The following TSHZ2 variants were observed in gnomAD, a reference collection of about 807,000 sequenced individuals.
TSHZ2 encodes teashirt zinc finger homeobox 2, also known as teashirt homolog 2.
In TSHZ2, 21 loss-of-function variants were observed where a neutral mutation model predicts 74.4. The ratio of observed to expected loss-of-function variants is 0.28; its 90% CI spans 0.20 to 0.41. TSHZ2 has a LOEUF of 0.41. TSHZ2 is among the 10% of genes least tolerant of loss of function. TSHZ2 has a pLI of 1.00. For synonymous variants in TSHZ2, 540 were observed against 515.3 expected (o/e 1.05, Z -0.65); for missense variants, 1,244 against 1,293.5 (o/e 0.96, Z 0.59).
At chr20:53,135,972 C>G (rs1463247131) in intron 1 of TSHZ2, among the ~76,000 whole-genome samples, 2 of 152,124 alleles carry the variant, frequency 1.3e-5, no homozygotes, top group Non-Finnish European at 2.9e-5. Flanking sequence ...TTGCTTATAA[C>G]AGAATATCTA....
chr20:53,467,399 A>T (rs1020262896), intron 2 of TSHZ2, among the ~76,000 whole-genome samples: 7 of 152,198 alleles, frequency 4.6e-5, no homozygotes, highest in Non-Finnish European at 8.8e-5. Context: ...AATTTTATGC[A>T]TGTATTTTTA....
At chr20:53,357,573 A>G (rs1980892281) in intron 2 of TSHZ2, among the ~76,000 whole-genome samples, 1 of 152,210 alleles carries the variant, frequency 6.6e-6, no homozygotes, top group Admixed American at 6.5e-5. Context: ...GGCAAATAAT[A>G]AAAAATGTGA....
intron 1 of TSHZ2, among the ~76,000 whole-genome samples, chr20:53,150,666 G>T (rs1987654819): frequency 6.7e-6 from 1 of 148,660 alleles, no homozygotes; most frequent in African/African-American, 2.5e-5. Flanking sequence ...AGGAAAGAAA[G>T]AGAAAGAAGA....
chr20:53,074,059 C>G lies in TSHZ2; in HGVS notation c.40+100726C>G, dbSNP rs1202054305. 6.6e-6 allele frequency among the ~76,000 whole-genome samples: 1 copy of G among 152,178 alleles called. No individual in the cohort carries two copies. The highest frequency in any genetic ancestry group is 1.5e-5 in the Non-Finnish European group (1 of 68,028). On this transcript the variant is annotated intron_variant, in intron 1 of 2. Transcript: ENST00000371497. The surrounding 1 kb of genome is among the most constrained non-coding windows in gnomAD (Gnocchi z 5.9). ...CAGTGAAAAGAAACTAAAAAACTGA[C>G]TTCGCAATTCTAGCATTGTAAAAGA...
intron 1 of TSHZ2, among the ~76,000 whole-genome samples, chr20:52,982,207 C>T (rs1981591437): frequency 6.6e-6 from 1 of 152,124 alleles, no homozygotes; most frequent in Non-Finnish European, 1.5e-5. Context: ...GAGTAAGTTG[C>T]AGGATAACTC....
chr20:53,461,164 C>G (rs1240363757), intron 2 of TSHZ2, among the ~76,000 whole-genome samples: 2 of 151,782 alleles, frequency 1.3e-5, no homozygotes, highest in African/African-American at 4.8e-5. Context: ...GCAGTTTGAT[C>G]TCAGACTGCT....
At chr20:53,271,994 G>A (rs191821644) in intron 2 of TSHZ2, among the ~76,000 whole-genome samples, 1 of 152,012 alleles carries the variant, frequency 6.6e-6, no homozygotes, top group Non-Finnish European at 1.5e-5. Flanking sequence ...TGCAGGGCTG[G>A]GAAGTGAGTG....
At chr20:53,019,205 C>T (rs1983145499) in intron 1 of TSHZ2, among the ~76,000 whole-genome samples, 1 of 151,282 alleles carries the variant, frequency 6.6e-6, no homozygotes, top group African/African-American at 2.4e-5. Context: ...CTGGTATGTT[C>T]CTCCCAGACT....
Position 53,256,484 on chromosome 20 carries a change from T to TAAA in TSHZ2, c.3028_3030dup (p.Lys1010dup). On this transcript the variant is annotated inframe_insertion, in exon 2 of 3. Coordinates refer to ENST00000371497, the MANE Select transcript of TSHZ2 (RefSeq NM_173485.6). This position sits in a 1 kb window ranked among gnomAD's most constrained non-coding sequence, Gnocchi z 4.3. The stretch of plus-strand genomic sequence containing the variant: ...CGGACATTTGTGAGCAAACATGCGG[T>TAAA]AAAACTCCACCTAAGCAAAACGCAC... 1.2e-6 allele frequency: 2 copies of TAAA among 1,613,878 alleles called. No homozygotes were observed. The highest frequency in any genetic ancestry group is 1.7e-6 in the Non-Finnish European group (2 of 1,179,774).
At chr20:53,056,778 ACTCCTTTTGTCTGTTCCT>A (rs1047831984) in intron 1 of TSHZ2, among the ~76,000 whole-genome samples, 14 of 151,822 alleles carry the variant, frequency 9.2e-5, no homozygotes, top group African/African-American at 3.1e-4. Flanking sequence ...ATGCTTCAGA[ACTCCTTTTGTCTGTTCCT>A]CTCTCTCATG....
chr20:53,138,553 C>G (rs771554532), intron 1 of TSHZ2, among the ~76,000 whole-genome samples: 3 of 152,092 alleles, frequency 2.0e-5, no homozygotes, highest in Non-Finnish European at 4.4e-5. Flanking sequence ...CACACTAAGT[C>G]CTTTCATATT....
chr20:52,974,966 T>G (rs1981273074), intron 1 of TSHZ2, among the ~76,000 whole-genome samples: 1 of 152,228 alleles, frequency 6.6e-6, no homozygotes, highest in Admixed American at 6.5e-5. Flanking sequence ...GTTTTCTTTT[T>G]TCAACTCTAG....
chr20:53,090,239 T>G (rs908192715), intron 1 of TSHZ2, among the ~76,000 whole-genome samples: 1 of 152,172 alleles, frequency 6.6e-6, no homozygotes. Context: ...GCTGACTAGA[T>G]GGTGCCCACC....
At chr20:53,166,952 C>A (rs1448497933) in intron 1 of TSHZ2, among the ~76,000 whole-genome samples, 1 of 151,968 alleles carries the variant, frequency 6.6e-6, no homozygotes, top group East Asian at 1.9e-4. Context: ...TAGTGAATGA[C>A]TAAAAATAAA....
intron 2 of TSHZ2, among the ~76,000 whole-genome samples, chr20:53,420,957 A>C (rs965573596): frequency 6.6e-6 from 1 of 152,180 alleles, no homozygotes. Flanking sequence ...TTCTTCACAT[A>C]ACACCTGATG....
chr20:53,289,965 G>C (rs1991249889), intron 2 of TSHZ2, among the ~76,000 whole-genome samples: 1 of 152,214 alleles, frequency 6.6e-6, no homozygotes, highest in Non-Finnish European at 1.5e-5. Context: ...TCTGTTCCCA[G>C]AAATTGCATG....
intron 1 of TSHZ2, among the ~76,000 whole-genome samples, chr20:53,189,051 T>C (rs1988669882): frequency 6.6e-6 from 1 of 152,208 alleles, no homozygotes; most frequent in South Asian, 2.1e-4. Context: ...TTCTAATAGG[T>C]CACACAAGGA....
chr20:53,229,837 G>A (rs1177095235), intron 1 of TSHZ2, among the ~76,000 whole-genome samples: 7 of 136,170 alleles, frequency 5.1e-5, no homozygotes, highest in South Asian at 2.4e-4. Flanking sequence ...GGAAGAGAAA[G>A]AAAAGAAAAA....
intron 1 of TSHZ2, among the ~76,000 whole-genome samples, chr20:53,244,831 C>T (rs752862550): frequency 7.9e-5 from 12 of 152,134 alleles, no homozygotes; most frequent in African/African-American, 2.4e-4. Context: ...CGGAAGTTCC[C>T]GGCACACATA....
Sources: allele counts gnomAD v4.1 joint callset (sites outside exome capture counted in the v4.1 genomes callset), GRCh38; gene constraint gnomAD v4.1.1; non-coding constraint Gnocchi (gnomAD v3.1); transcripts MANE v1.5; gene names NCBI Gene and HGNC (gene_info 2026-07-23, HGNC 2026-07-21).